CDKAL1: variants seen among roughly 807,000 people sequenced by gnomAD.
CDKAL1 encodes CDKAL1 threonylcarbamoyladenosine tRNA methylthiotransferase.
In CDKAL1, 32 loss-of-function variants were observed where a neutral mutation model predicts 68.2. The ratio of observed to expected loss-of-function variants is 0.47; its 90% CI spans 0.35 to 0.63. The LOEUF (loss-of-function observed/expected upper bound fraction) is 0.63. Among genes scored for constraint, CDKAL1 ranks in the 30% least tolerant of loss-of-function variants. The pLI, the probability that CDKAL1 is intolerant of heterozygous loss-of-function variation, is 0.00. For missense variants in CDKAL1, 606 were observed against 696.7 expected, an observed-to-expected ratio of 0.87 and a Z score of 1.47; for synonymous variants, 234 against 244.3, an observed-to-expected ratio of 0.96 and a Z score of 0.39.
intron 12 of CDKAL1, among the ~76,000 whole-genome samples, chr6:21,096,037 G>C (rs1316420451): frequency 1.3e-5 from 2 of 152,194 alleles, no homozygotes; most frequent in African/African-American, 4.8e-5. Flanking sequence ...TGCTAAATTA[G>C]ATGTAGAAAG....
chr6:21,191,986 A>ATT (rs1562104779), intron 13 of CDKAL1, among the ~76,000 whole-genome samples: 3 of 23,334 alleles, frequency 1.3e-4, no homozygotes, highest in African/African-American at 3.3e-4. Context: ...TTTATAATTC[A>ATT]TTTTTCTTTT....
At chr6:21,228,718 G>C (rs916685583) in intron 15 of CDKAL1, among the ~76,000 whole-genome samples, 1 of 152,142 alleles carries the variant, frequency 6.6e-6, no homozygotes, top group Non-Finnish European at 1.5e-5. Context: ...AGGCAGACTC[G>C]CTGCTTTTGA....
At chr6:20,584,273 G>A (rs967715446) in intron 4 of CDKAL1, among the ~76,000 whole-genome samples, 2 of 152,072 alleles carry the variant, frequency 1.3e-5, no homozygotes, top group African/African-American at 4.8e-5. Context: ...ACAGGAGTCC[G>A]GTTTGATCAC....
At chr6:21,138,878 T>A (rs747342775) in intron 13 of CDKAL1, among the ~76,000 whole-genome samples, 12 of 152,212 alleles carry the variant, frequency 7.9e-5, no homozygotes, top group Non-Finnish European at 1.2e-4. Context: ...CCAGTTTGTC[T>A]CCTCCGGCAG....
intron 9 of CDKAL1, among the ~76,000 whole-genome samples, chr6:20,918,283 T>A (rs1762805659): frequency 6.6e-6 from 1 of 152,234 alleles, no homozygotes; most frequent in Non-Finnish European, 1.5e-5. Flanking sequence ...ATTTCTATTA[T>A]TTCTTAATTA....
At chr6:21,108,296 A>C (rs1485175342) in intron 12 of CDKAL1, 105 bp from the exon 13 acceptor site, 12 of 688,174 alleles carry the variant, frequency 1.7e-5, no homozygotes, top group East Asian at 6.3e-5. Context: ...AAAAAAAAAA[A>C]AACTTTATGT....
At chr6:20,661,717 T>C (rs564983511) in intron 5 of CDKAL1, among the ~76,000 whole-genome samples, 1 of 152,266 alleles carries the variant, frequency 6.6e-6, no homozygotes, top group Non-Finnish European at 1.5e-5. Context: ...AAACTGAGTT[T>C]TGTAGATATC....
intron 11 of CDKAL1, among the ~76,000 whole-genome samples, chr6:21,047,252 C>T (rs552090118): frequency 4.9e-4 from 75 of 152,182 alleles, no homozygotes; most frequent in African/African-American, 1.6e-3. Flanking sequence ...TTGTAGATGA[C>T]AGCTTCTCTT....
At position 20,955,880 on chromosome 6, in the gene CDKAL1, C is replaced by T. The variant is rs1468662339; in HGVS notation, c.909+295C>T. 2.6e-5 allele frequency among the ~76,000 whole-genome samples: 4 copies of T among 152,176 alleles called. 1 individual carries two copies. Among genetic ancestry groups the T allele is most frequent in the Non-Finnish European group, 5.9e-5 (4 of 68,036 alleles). On this transcript the variant is annotated intron_variant, in intron 10 of 15. Coordinates refer to ENST00000274695, the MANE Select transcript of CDKAL1 (RefSeq NM_017774.3). ...AGTCTTCCAGCACATAAATTTGCCT[C>T]AGTTCCTCCATTTTGACCGCTCGTC...
At chr6:20,847,584 C>T (rs919269669) in intron 9 of CDKAL1, among the ~76,000 whole-genome samples, 4 of 152,106 alleles carry the variant, frequency 2.6e-5, no homozygotes, top group Admixed American at 2.0e-4. Context: ...TACTTGAAAA[C>T]GTTTTTGAAA....
chr6:21,135,944 T>C (rs1015706538), intron 13 of CDKAL1, among the ~76,000 whole-genome samples: 12 of 152,230 alleles, frequency 7.9e-5, no homozygotes, highest in African/African-American at 2.9e-4. Context: ...CCAAATAAAC[T>C]TCCTTCAAGT....
chr6:20,995,311 C>T (rs1017606693), intron 10 of CDKAL1, among the ~76,000 whole-genome samples: 1 of 152,218 alleles, frequency 6.6e-6, no homozygotes, highest in South Asian at 2.1e-4. Flanking sequence ...TTAACAGCAT[C>T]TGGAATGACG....
intron 9 of CDKAL1, among the ~76,000 whole-genome samples, chr6:20,910,023 AAGCATTTGTTAATCCC>A (rs1762397939): frequency 6.6e-6 from 1 of 152,224 alleles, no homozygotes; most frequent in Non-Finnish European, 1.5e-5. Flanking sequence ...TAAATTAGAA[AAGCATTTGTTAATCCC>A]AGCAGTTTAT....
chr6:20,610,311 G>A (rs1561964087), intron 4 of CDKAL1, among the ~76,000 whole-genome samples: 2 of 152,118 alleles, frequency 1.3e-5, no homozygotes, highest in Admixed American at 6.5e-5. Flanking sequence ...GGGATTGCTG[G>A]GTTGAATGGT....
At chr6:21,052,538 T>G (rs971777827) in intron 11 of CDKAL1, among the ~76,000 whole-genome samples, 1 of 72,056 alleles carries the variant, frequency 1.4e-5, no homozygotes, top group Non-Finnish European at 3.0e-5. Context: ...TAATTGGTTG[T>G]TTTTTTTTTT....
At chr6:20,568,066 C>T (rs1554151931) in intron 4 of CDKAL1, among the ~76,000 whole-genome samples, 1 of 152,036 alleles carries the variant, frequency 6.6e-6, no homozygotes, top group Non-Finnish European at 1.5e-5. Flanking sequence ...TTAGTAGAGA[C>T]GGGGGTTTCA....
chr6:20,957,227 TAGAGTC>T (rs1369683143), intron 10 of CDKAL1, among the ~76,000 whole-genome samples: 1 of 152,090 alleles, frequency 6.6e-6, no homozygotes, highest in Non-Finnish European at 1.5e-5. Context: ...CCACAAGAGA[TAGAGTC>T]AGGTAAGTTC....
chr6:20,568,341 G>A (rs1256451490), intron 4 of CDKAL1, among the ~76,000 whole-genome samples: 1 of 152,192 alleles, frequency 6.6e-6, no homozygotes, highest in South Asian at 2.1e-4. Context: ...TTAAATTCTC[G>A]TCTATGAAAT....
intron 5 of CDKAL1, among the ~76,000 whole-genome samples, chr6:20,667,788 AAT>A (rs1321316327): frequency 2.0e-5 from 3 of 152,138 alleles, no homozygotes; most frequent in Non-Finnish European, 4.4e-5. Context: ...ATTTTAGACT[AAT>A]AGCAAAATTG....
Sources: allele counts gnomAD v4.1 joint callset (sites outside exome capture counted in the v4.1 genomes callset), GRCh38; gene constraint gnomAD v4.1.1; transcripts MANE v1.5; gene names NCBI Gene and HGNC (gene_info 2026-07-23, HGNC 2026-07-21).